The following NKAIN2 variants were observed in gnomAD, a reference collection of about 807,000 sequenced individuals.
NKAIN2 encodes the protein sodium/potassium-transporting ATPase subunit beta-1-interacting protein 2.
NKAIN2 carries 14 observed loss-of-function variants against 32.6 expected under a neutral mutation model. The ratio of observed to expected loss-of-function variants is 0.43; its 90% confidence interval spans 0.28 to 0.67. The LOEUF is 0.67. Ranked by LOEUF, NKAIN2 falls within the 30% of genes least tolerant of loss-of-function variation. The pLI is 0.17. For synonymous variants in NKAIN2, 80 were observed against 87.2 expected (o/e 0.92, Z 0.46); for missense variants, 198 against 258.3 (o/e 0.77, Z 1.60).
chr6:124,483,984 T>C lies in NKAIN2; in HGVS notation c.273+128637T>C, dbSNP rs138217721. ...TACCTCAACAGCTTAGCACAGGCTA[T>C]AGCAATTTTAGATCAGAAAGTCAGC... is the stretch of plus-strand genomic sequence containing the variant. On this transcript the variant is annotated intron_variant, in intron 3 of 6. Coordinates refer to ENST00000368417, the MANE Select transcript of NKAIN2 (RefSeq NM_001040214.3). 4.6e-3 allele frequency among the ~76,000 whole-genome samples: 701 copies of C among 152,320 alleles called. 6 individuals carry two copies. The highest frequency in any genetic ancestry group is 0.015 in the African/African-American group (620 of 41,582).
intron 1 of NKAIN2, among the ~76,000 whole-genome samples, chr6:123,996,087 A>G (rs1779610686): frequency 6.6e-6 from 1 of 152,220 alleles, no homozygotes; most frequent in Non-Finnish European, 1.5e-5. Flanking sequence ...ACAACATTTA[A>G]CACAAAGGAA....
chr6:123,824,153 A>G (rs1212704413), intron 1 of NKAIN2, among the ~76,000 whole-genome samples: 1 of 152,090 alleles, frequency 6.6e-6, no homozygotes, highest in Non-Finnish European at 1.5e-5. Context: ...ATATATAGAA[A>G]TACAACACAT....
At chr6:123,919,504 A>T (rs1365892960) in intron 1 of NKAIN2, among the ~76,000 whole-genome samples, 1 of 152,168 alleles carries the variant, frequency 6.6e-6, no homozygotes, top group Non-Finnish European at 1.5e-5. Context: ...GCTGTTGTTT[A>T]ATAAATATAA....
intron 1 of NKAIN2, among the ~76,000 whole-genome samples, chr6:123,989,457 T>A (rs1041897422): frequency 6.6e-6 from 1 of 152,190 alleles, no homozygotes; most frequent in South Asian, 2.1e-4. Flanking sequence ...TTAACAGTTA[T>A]AGCAATAAAA....
At chr6:124,141,799 A>G (rs932587611) in intron 1 of NKAIN2, among the ~76,000 whole-genome samples, 13 of 152,014 alleles carry the variant, frequency 8.6e-5, no homozygotes, top group Admixed American at 3.9e-4. Context: ...CCAGTCCCCA[A>G]TTTCAGGTTC....
chr6:124,286,705 A>G (rs2114933101), intron 2 of NKAIN2, among the ~76,000 whole-genome samples: 1 of 147,884 alleles, frequency 6.8e-6, no homozygotes, highest in South Asian at 2.1e-4. Context: ...TGTGTGAGAT[A>G]AGTTTCGTTC....
At chr6:123,923,556 G>A (rs1003672756) in intron 1 of NKAIN2, among the ~76,000 whole-genome samples, 8 of 151,722 alleles carry the variant, frequency 5.3e-5, no homozygotes, top group Admixed American at 1.3e-4. Flanking sequence ...GTCCAACAAT[G>A]ATAGACTGGA....
chr6:124,219,991 C>G (rs1013568602), intron 1 of NKAIN2, among the ~76,000 whole-genome samples: 2 of 152,104 alleles, frequency 1.3e-5, no homozygotes, highest in Non-Finnish European at 2.9e-5. Flanking sequence ...TTTCCATGAC[C>G]TTAAATATAA....
chr6:123,856,032 C>T (rs904072450), intron 1 of NKAIN2, among the ~76,000 whole-genome samples: 1 of 152,134 alleles, frequency 6.6e-6, no homozygotes, highest in Non-Finnish European at 1.5e-5. Context: ...TTTAAAAACA[C>T]CAAACTGGGA....
intron 1 of NKAIN2, among the ~76,000 whole-genome samples, chr6:124,108,754 A>T (rs1267970891): frequency 6.6e-6 from 1 of 151,998 alleles, no homozygotes; most frequent in Non-Finnish European, 1.5e-5. Context: ...AATCTTTTGC[A>T]TGTGGATACT....
chr6:124,028,716 CGTGTAT>C, intron 1 of NKAIN2, among the ~76,000 whole-genome samples: 1 of 139,424 alleles, frequency 7.2e-6, no homozygotes, highest in Admixed American at 6.9e-5. Context: ...TGTATATATA[CGTGTAT>C]ATACGTGTAT....
intron 1 of NKAIN2, among the ~76,000 whole-genome samples, chr6:123,941,637 A>G (rs775531018): frequency 5.9e-5 from 9 of 152,008 alleles, no homozygotes; most frequent in Non-Finnish European, 1.2e-4. Context: ...CACAAATATT[A>G]TAATCAGCAC....
chr6:124,677,091 C>G (rs1773396151), intron 4 of NKAIN2, among the ~76,000 whole-genome samples: 1 of 152,098 alleles, frequency 6.6e-6, no homozygotes, highest in Non-Finnish European at 1.5e-5. Flanking sequence ...GCCTCAGCCT[C>G]CCAAGTAGCT....
intron 2 of NKAIN2, among the ~76,000 whole-genome samples, chr6:124,294,903 A>AT (rs968260635): frequency 5.3e-5 from 8 of 150,348 alleles, no homozygotes; most frequent in African/African-American, 2.0e-4. Context: ...TTTTCTTCAT[A>AT]TTTTTTTCTT....
At chr6:124,779,247 A>AAG (rs71024703) in intron 4 of NKAIN2, among the ~76,000 whole-genome samples, 832 of 75,332 alleles carry the variant, frequency 0.011, 40 homozygotes, top group African/African-American at 0.043. Context: ...CCAACAAAGA[A>AAG]AGAGAGAGAG....
In NKAIN2 at chr6:124,346,215, C is replaced by A. The variant is rs144216228; in HGVS notation, c.193-9052C>A. ...TTTGAGAGACAGTTTTTTATAATTT[C>A]TGTTCTTTTACATTTGCTGAGGAGA... On this transcript the variant is annotated intron_variant, in intron 2 of 6. Transcript: ENST00000368417. Among the ~76,000 whole-genome samples the A allele has an allele frequency of 6.5e-3, 992 of 152,172 alleles. 14 individuals are homozygous for A. The highest frequency in any genetic ancestry group is 0.023 in the African/African-American group (954 of 41,494).
chr6:124,233,364 T>C (rs559206397), intron 1 of NKAIN2, among the ~76,000 whole-genome samples: 1 of 152,306 alleles, frequency 6.6e-6, no homozygotes, highest in African/African-American at 2.4e-5. Flanking sequence ...CTTGCCCCTT[T>C]AGCAAGTTGG....
At chr6:124,284,919 A>T (rs1429830634) in intron 2 of NKAIN2, among the ~76,000 whole-genome samples, 1 of 149,962 alleles carries the variant, frequency 6.7e-6, no homozygotes, top group Admixed American at 6.6e-5. Context: ...AAAAAAAAAA[A>T]TTTGGGCTTT....
intron 1 of NKAIN2, among the ~76,000 whole-genome samples, chr6:124,139,625 T>G (rs1034119817): frequency 6.6e-6 from 1 of 152,174 alleles, no homozygotes; most frequent in African/African-American, 2.4e-5. Flanking sequence ...ATTCCCATTA[T>G]AGTGATAAAA....
Sources: allele counts gnomAD v4.1 joint callset (sites outside exome capture counted in the v4.1 genomes callset), GRCh38; gene constraint gnomAD v4.1.1; transcripts MANE v1.5; gene names NCBI Gene and HGNC (gene_info 2026-07-23, HGNC 2026-07-21).